Variants in ITGB3BP observed in about 807,000 individuals in gnomAD.
The protein encoded by ITGB3BP is integrin subunit beta 3 binding protein.
A neutral mutation model predicts 29.1 loss-of-function variants in ITGB3BP; 27 were observed. The observed-to-expected ratio is 0.93, with a 90% CI of 0.68 to 1.28. ITGB3BP has a LOEUF of 1.28. Among genes scored for constraint, ITGB3BP ranks in the 50% most tolerant of loss-of-function variants. ITGB3BP has a pLI of 0.00. For synonymous variants in ITGB3BP, 61 were observed against 61.4 expected (o/e 0.99, Z 0.03); for missense variants, 192 against 200.2 (o/e 0.96, Z 0.25).
chr1:63,505,876 A>T (rs1489906899), intron 2 of ITGB3BP, among the ~76,000 whole-genome samples: 1 of 152,194 alleles, frequency 6.6e-6, no homozygotes, highest in African/African-American at 2.4e-5. Flanking sequence ...GTGGTCTGAC[A>T]GACAGTTTGT....
At position 63,510,408 on chromosome 1, in the gene ITGB3BP, G is replaced by A. The variant is rs149153482; in HGVS notation, c.6-1838C>T. Among the ~76,000 whole-genome samples the A allele has an allele frequency of 3.9e-3, 587 of 152,130 alleles. 3 individuals carry two copies. Among genetic ancestry groups the A allele is most frequent in the African/African-American group, 0.014 (563 of 41,478 alleles). Reference sequence around the variant, plus strand: ...TGCTTTTAAAAAGTTTACAGATTAGGCCCCAGGTTGATCTAAGAAACCCAA... The same window carrying A: ...TGCTTTTAAAAAGTTTACAGATTAGACCCCAGGTTGATCTAAGAAACCCAA... On this transcript the variant is annotated intron_variant, in intron 1 of 8. Coordinates refer to ENST00000271002, the MANE Select transcript of ITGB3BP (RefSeq NM_014288.5).
At chr1:63,460,051 T>G (rs898043060) in intron 4 of ITGB3BP, among the ~76,000 whole-genome samples, 1 of 152,164 alleles carries the variant, frequency 6.6e-6, no homozygotes, top group African/African-American at 2.4e-5. Context: ...TTAGCTCTAT[T>G]TATTTCATTA....
chr1:63,447,514 T>A, intron 7 of ITGB3BP: 1 of 457,618 alleles, frequency 2.2e-6, no homozygotes. Flanking sequence ...ACATTTAAAA[T>A]ATTCAGACAA....
intron 1 of ITGB3BP, among the ~76,000 whole-genome samples, chr1:63,511,026 A>G (rs528752442): frequency 2.6e-4 from 40 of 152,296 alleles, no homozygotes; most frequent in African/African-American, 9.4e-4. Flanking sequence ...AACAAAAGTG[A>G]TATCTATCTG....
intron 2 of ITGB3BP, among the ~76,000 whole-genome samples, chr1:63,502,571 A>C (rs1297231933): frequency 6.7e-6 from 1 of 148,394 alleles, no homozygotes; most frequent in Non-Finnish European, 1.5e-5. Context: ...CGTGCAGGTT[A>C]GTTACATATG....
rs571050213 is a variant in ITGB3BP at position 63,517,350 on chromosome 1, C to T, written c.5+5779G>A. 8.6e-5 allele frequency among the ~76,000 whole-genome samples: 13 copies of T among 151,176 alleles called. 1 individual carries two copies. Among genetic ancestry groups the T allele is most frequent in the African/African-American group, 3.1e-4 (13 of 41,280 alleles). ...ATATGTAACTAACCTGCACATTGTG[C>T]ACATGTACCCTAAAACTTAAAGTAT... On this transcript the variant is annotated intron_variant, in intron 1 of 8. Coordinates refer to ENST00000271002, the MANE Select transcript of ITGB3BP (RefSeq NM_014288.5).
At chr1:63,461,269 A>C (rs185920276) in intron 4 of ITGB3BP, among the ~76,000 whole-genome samples, 17 of 150,700 alleles carry the variant, frequency 1.1e-4, no homozygotes, top group African/African-American at 4.2e-4. Flanking sequence ...AAAAAAAAAA[A>C]AAAAAAAAAA....
At chr1:63,502,924 T>C (rs1645975308) in intron 2 of ITGB3BP, among the ~76,000 whole-genome samples, 1 of 152,176 alleles carries the variant, frequency 6.6e-6, no homozygotes, top group Admixed American at 6.5e-5. Context: ...TGTTGGACAT[T>C]TGGCTTGGTT....
At chr1:63,500,110 A>C (rs981001579) in intron 2 of ITGB3BP, among the ~76,000 whole-genome samples, 1 of 152,078 alleles carries the variant, frequency 6.6e-6, no homozygotes, top group African/African-American at 2.4e-5. Context: ...GGGGGCTGTG[A>C]CTCACGCCTG....
chr1:63,461,931 T>G (rs1645024568), intron 4 of ITGB3BP, among the ~76,000 whole-genome samples: 1 of 152,248 alleles, frequency 6.6e-6, no homozygotes, highest in Admixed American at 6.5e-5. Context: ...TTTTCAAGAT[T>G]GTTTGGCTAT....
upstream of ITGB3BP, among the ~76,000 whole-genome samples, chr1:63,526,828 G>A (rs1351742716): frequency 2.0e-5 from 3 of 151,808 alleles, no homozygotes; most frequent in South Asian, 2.1e-4. Flanking sequence ...GCAGTGGCGC[G>A]ATCTTGATTC....
intron 2 of ITGB3BP, among the ~76,000 whole-genome samples, chr1:63,500,363 G>GT (rs535111951): frequency 5.9e-4 from 90 of 151,936 alleles, no homozygotes; most frequent in African/African-American, 2.1e-3. Context: ...GGGCAAAAGA[G>GT]CAAGACTCTG....
At chr1:63,520,376 G>A (rs1646420223) in intron 1 of ITGB3BP, among the ~76,000 whole-genome samples, 1 of 152,106 alleles carries the variant, frequency 6.6e-6, no homozygotes, top group Non-Finnish European at 1.5e-5. Flanking sequence ...AAAAAGTGAA[G>A]GTTTCAACCT....
chr1:63,515,547 G>A (rs766336792), intron 1 of ITGB3BP, among the ~76,000 whole-genome samples: 7 of 151,952 alleles, frequency 4.6e-5, no homozygotes, highest in Middle Eastern at 3.4e-3. Context: ...ACCATTCAAC[G>A]CCAGGCACGA....
At chr1:63,468,862 A>AAAAT (rs71045901) in intron 4 of ITGB3BP, among the ~76,000 whole-genome samples, 36,621 of 138,858 alleles carry the variant, frequency 0.26, 5,027 homozygotes, top group South Asian at 0.32. Flanking sequence ...ACTCTGTCTC[A>AAAAT]AAATAAATAA....
intron 2 of ITGB3BP, among the ~76,000 whole-genome samples, chr1:63,499,109 A>G (rs1487306096): frequency 6.6e-6 from 1 of 152,108 alleles, no homozygotes; most frequent in Non-Finnish European, 1.5e-5. Flanking sequence ...AATTTACAAC[A>G]AAGAAAAGCC....
rs2100773684 is a variant in ITGB3BP at position 63,508,579 on chromosome 1, A to G, written c.6-9T>C. ...TCAGTGATCTTTTAACACTACAAAC[A>G]AAAAATTTAAAGAAATTTTAGATTT... On this transcript the variant is annotated splice_polypyrimidine_tract_variant and intron_variant, in intron 1 of 8. Coordinates refer to ENST00000271002, the MANE Select transcript of ITGB3BP (RefSeq NM_014288.5). 7.8e-7 allele frequency: 1 copy of G among 1,276,388 alleles called. No individual in the cohort carries two copies. Among genetic ancestry groups the G allele is most frequent in the African/African-American group, 1.5e-5 (1 of 65,574 alleles). The allele number at this position is 1,276,388 out of a possible 1,614,324, so 79.1% of individuals were successfully genotyped here. A position where few individuals can be genotyped will look rare whatever the true frequency, so the allele number is the denominator to read the frequency against.
chr1:63,471,295 C>T (rs1308231041), intron 4 of ITGB3BP, among the ~76,000 whole-genome samples: 1 of 146,482 alleles, frequency 6.8e-6, no homozygotes, highest in African/African-American at 2.5e-5. Flanking sequence ...CAGAGTCTCG[C>T]TCTGTCACCC....
At chr1:63,488,926 A>C (rs1645586342) in intron 3 of ITGB3BP, among the ~76,000 whole-genome samples, 1 of 152,124 alleles carries the variant, frequency 6.6e-6, no homozygotes, top group Non-Finnish European at 1.5e-5. Context: ...TTTTATGGGC[A>C]AAAGGAATGT....
Sources: allele counts gnomAD v4.1 joint callset (sites outside exome capture counted in the v4.1 genomes callset), GRCh38; gene constraint gnomAD v4.1.1; transcripts MANE v1.5; gene names NCBI Gene and HGNC (gene_info 2026-07-23, HGNC 2026-07-21).